The following DLC1 variants were observed in gnomAD, a reference collection of about 807,000 sequenced individuals.
DLC1 encodes DLC1 Rho GTPase activating protein.
In DLC1, 54 loss-of-function variants were observed where a neutral mutation model predicts 140.3. The ratio of observed to expected loss-of-function variants is 0.38; its 90% CI spans 0.31 to 0.48. DLC1 has a LOEUF of 0.48. Ranked by LOEUF, DLC1 falls within the 20% of genes least tolerant of loss-of-function variation. DLC1 has a pLI of 0.96. For synonymous variants in DLC1, 986 were observed against 728.1 expected (o/e 1.35, Z -5.70); for missense variants, 2,536 against 1,907.0 (o/e 1.33, Z -6.14).
intron 5 of DLC1, among the ~76,000 whole-genome samples, chr8:13,143,263 G>A (rs1320167825): frequency 6.6e-6 from 1 of 151,508 alleles, no homozygotes; most frequent in Non-Finnish European, 1.5e-5. Context: ...TTTCAAATAG[G>A]TGGTATGATA....
At chr8:13,145,563 C>G (rs1209162344) in intron 5 of DLC1, among the ~76,000 whole-genome samples, 2 of 152,002 alleles carry the variant, frequency 1.3e-5, no homozygotes, top group Non-Finnish European at 2.9e-5. Context: ...AGAGAAACTC[C>G]AAACAACTAA....
chr8:13,284,022 A>G (rs1421635604), intron 5 of DLC1, among the ~76,000 whole-genome samples: 2 of 152,142 alleles, frequency 1.3e-5, no homozygotes, highest in African/African-American at 4.8e-5. Context: ...AGTGGACTAG[A>G]GTCACTTCCA....
At chr8:13,557,518 C>G (rs1286532719) in intron 1 of DLC1, 1 of 152,202 alleles carries the variant, frequency 6.6e-6, no homozygotes, top group African/African-American at 2.4e-5. Flanking sequence ...AAGGGAGGTT[C>G]CAGGTGGACG....
rs996099739 is a variant in DLC1 at position 13,092,926 on chromosome 8, G to C, written c.3527-101C>G. 60 of 1,294,574 alleles carry C rather than the reference G, an allele frequency of 4.6e-5. No homozygotes were observed. In the African/African-American group the frequency reaches 8.0e-4, roughly 17 times the overall value. 80.2% of individuals were successfully genotyped at this position (1,294,574 alleles called of 1,614,324 possible). On this transcript the variant is annotated intron_variant, in intron 12 of 17. Transcript: ENST00000276297. ...TATCGGCATCAAATACCTCAGCCCAGTACTGAACAAGCACTTGTAGAAAGT... is the reference window on the plus strand; with the variant it reads ...TATCGGCATCAAATACCTCAGCCCACTACTGAACAAGCACTTGTAGAAAGT...
intron 1 of DLC1, among the ~76,000 whole-genome samples, chr8:13,578,125 C>T (rs1443407658): frequency 2.0e-5 from 3 of 152,014 alleles, no homozygotes; most frequent in Non-Finnish European, 4.4e-5. Flanking sequence ...GGCTCCTTTC[C>T]TCAAATTCAC....
At chr8:13,218,828 A>G (rs897393626) in intron 5 of DLC1, among the ~76,000 whole-genome samples, 2 of 135,084 alleles carry the variant, frequency 1.5e-5, no homozygotes, top group African/African-American at 5.8e-5. Context: ...TTATATGAAT[A>G]TAACTATATA....
Position 13,382,505 on chromosome 8 carries a change from CAAAA to C in DLC1, c.1314+11044_1314+11047del, listed in dbSNP as rs71207149. On this transcript the variant is annotated intron_variant, in intron 4 of 17. Coordinates refer to ENST00000276297, the MANE Select transcript of DLC1 (RefSeq NM_182643.3). The stretch of plus-strand genomic sequence containing the variant: ...CCTGGGCGACAGCGAGACTCCGTCT[CAAAA>C]AAAAAAAAAAAAAAAAAAAAAAAGA... Among the ~76,000 whole-genome samples the C allele has an allele frequency of 0.022, 769 of 35,552 alleles. 46 individuals are homozygous for C. In the South Asian group the frequency reaches 0.22, roughly 10 times the overall value. The allele number at this position is 35,552 out of a possible 152,430, so 23.3% of individuals were successfully genotyped here.
chr8:13,086,990 A>AC (rs977315513), intron 16 of DLC1, among the ~76,000 whole-genome samples: 1 of 151,916 alleles, frequency 6.6e-6, no homozygotes, highest in Non-Finnish European at 1.5e-5. Context: ...ACAAAGTGAT[A>AC]CCCCCCCATC....
intron 2 of DLC1, among the ~76,000 whole-genome samples, chr8:13,426,422 A>AT (rs1838585044): frequency 2.0e-5 from 3 of 152,188 alleles, no homozygotes; most frequent in Admixed American, 2.0e-4. Context: ...ATTGAATACC[A>AT]ACATCTTTTA....
At chr8:13,440,043 A>G (rs975407891) in intron 2 of DLC1, among the ~76,000 whole-genome samples, 1 of 152,186 alleles carries the variant, frequency 6.6e-6, no homozygotes, top group Non-Finnish European at 1.5e-5. Context: ...AATAGGTATT[A>G]GGAGGGGAAA....
intron 1 of DLC1, among the ~76,000 whole-genome samples, chr8:13,504,261 G>C (rs1446637525): frequency 6.6e-6 from 1 of 151,786 alleles, no homozygotes; most frequent in Non-Finnish European, 1.5e-5. Context: ...CGAGTAGCTG[G>C]GATTACAGGC....
intron 2 of DLC1, among the ~76,000 whole-genome samples, chr8:13,434,599 C>T (rs1459601697): frequency 6.6e-6 from 1 of 152,180 alleles, no homozygotes; most frequent in Non-Finnish European, 1.5e-5. Context: ...CAAGGAAATT[C>T]ACATTGTTTT....
rs188440130 is a variant in DLC1 at position 13,137,325 on chromosome 8, G to A, written c.1349-21668C>T. Among the ~76,000 whole-genome samples, 214 of 152,294 alleles carry A rather than the reference G, an allele frequency of 1.4e-3. 1 individual carries two copies. The highest frequency in any genetic ancestry group is 5.1e-3 in the African/African-American group (212 of 41,568). ...TAATGTTAGAAGGGATTTTTTAGCT[G>A]AGCTGCATTCAGTGAGATTTTGGTT... On this transcript the variant is annotated intron_variant, in intron 5 of 17. Coordinates refer to ENST00000276297, the MANE Select transcript of DLC1 (RefSeq NM_182643.3).
At chr8:13,403,807 G>GTTTTTTTTTTT (rs369715973) in intron 2 of DLC1, among the ~76,000 whole-genome samples, 10 of 87,274 alleles carry the variant, frequency 1.1e-4, no homozygotes, top group South Asian at 5.0e-4. Context: ...AGGTCTGGCT[G>GTTTTTTTTTTT]TTTTTTTTTT....
At chr8:13,503,180 G>A (rs116599145) in intron 1 of DLC1, among the ~76,000 whole-genome samples, 9,590 of 152,182 alleles carry the variant, frequency 0.063, 813 homozygotes, top group East Asian at 0.37. Flanking sequence ...TGAGGTGTGC[G>A]GATCACTTGA....
At chr8:13,521,648 C>T (rs1802770364) in intron 1 of DLC1, among the ~76,000 whole-genome samples, 1 of 152,096 alleles carries the variant, frequency 6.6e-6, no homozygotes, top group African/African-American at 2.4e-5. Flanking sequence ...GTTCCTCATC[C>T]CATACTTCAC....
At chr8:13,155,291 C>T (rs1384259989) in intron 5 of DLC1, among the ~76,000 whole-genome samples, 6 of 151,474 alleles carry the variant, frequency 4.0e-5, no homozygotes, top group Admixed American at 2.0e-4. Flanking sequence ...TTTATTGCTT[C>T]AGTAAATATC....
In DLC1 at chr8:13,100,074, T is replaced by A; in HGVS notation, c.2263A>T (p.Thr755Ser). 1 of 1,613,584 alleles carries A rather than the reference T, an allele frequency of 6.2e-7. No homozygotes were observed. Residue 755 changes from threonine (T) to serine (S), a missense_variant, in exon 9 of 18, where the codon ACG (threonine) becomes TCG (serine). Thr to Ser is a moderately conservative substitution (Grantham distance 58). Coordinates refer to ENST00000276297, the MANE Select transcript of DLC1 (RefSeq NM_182643.3). ...CGGGTCCTCGTAACAGGGCTGGGCG[T>A]GCTGACCGCGCTGCTGGTCTCCGAC... Reference protein sequence around the residue: ...SQSETSSAVSTPSPVTRTRSL... With the variant: ...SQSETSSAVSSPSPVTRTRSL...
chr8:13,283,995 A>C (rs1354351443), intron 5 of DLC1, among the ~76,000 whole-genome samples: 1 of 152,170 alleles, frequency 6.6e-6, no homozygotes, highest in Non-Finnish European at 1.5e-5. Flanking sequence ...AAGGCTAGGG[A>C]AGAAACCCTG....
Sources: allele counts gnomAD v4.1 joint callset (sites outside exome capture counted in the v4.1 genomes callset), GRCh38; gene constraint gnomAD v4.1.1; transcripts MANE v1.5; gene names NCBI Gene and HGNC (gene_info 2026-07-23, HGNC 2026-07-21).